Variants in UBE4B observed in about 807,000 individuals in gnomAD.
The protein encoded by UBE4B is ubiquitin conjugation factor E4 B.
In UBE4B, 27 loss-of-function variants were observed where a neutral mutation model predicts 148.1. The ratio of observed to expected loss-of-function variants is 0.18; its 90% CI spans 0.13 to 0.25. UBE4B has a LOEUF of 0.25. Among genes scored for constraint, UBE4B ranks in the 10% least tolerant of loss-of-function variants. The pLI, the probability that UBE4B is intolerant of heterozygous loss-of-function variation, is 1.00. For missense variants in UBE4B, 1,170 were observed against 1,662.4 expected, an observed-to-expected ratio of 0.70 and a Z score of 5.15; for synonymous variants, 596 against 619.3, an observed-to-expected ratio of 0.96 and a Z score of 0.56.
rs1557622957 is a variant in UBE4B, at chr1:10,178,967, T to A, written c.3700+149T>A. On this transcript the variant is annotated intron_variant, in intron 26 of 27. Transcript: ENST00000343090. The stretch of plus-strand genomic sequence containing the variant: ...TCTGTCTTAAATTACATTTGCCTAT[T>A]TTTAGCTCATATTGTAAATTGAGAG... The A allele has an allele frequency of 3.7e-6, 3 of 806,196 alleles. No individual in the cohort carries two copies. In the East Asian group the frequency reaches 9.2e-5, roughly 25 times the overall value. The allele number at this position is 806,196 out of a possible 1,614,324, so 49.9% of individuals were successfully genotyped here.
intron 2 of UBE4B, among the ~76,000 whole-genome samples, chr1:10,086,276 T>C (rs1371754486): frequency 3.3e-5 from 5 of 152,018 alleles, no homozygotes; most frequent in African/African-American, 1.2e-4. Flanking sequence ...TGGCCAATTT[T>C]TTGTATTTTT....
Position 10,149,319 on chromosome 1 carries a change from T to A in UBE4B, c.2690+37T>A. ...TAATATTTTACATAGTTCTAATATG[T>A]TTTTATGCATAATAGTATAATATTC... On this transcript the variant is annotated intron_variant, in intron 20 of 27. Transcript: ENST00000343090. 3 of 1,463,570 alleles carry A rather than the reference T, an allele frequency of 2.0e-6. No homozygotes were observed. The East Asian group carries it at 6.9e-5, about 33-fold the overall frequency. The allele number at this position is 1,463,570 out of a possible 1,614,324, so 90.7% of individuals were successfully genotyped here.
At chr1:10,138,527 C>T (rs1645733813) in intron 17 of UBE4B, among the ~76,000 whole-genome samples, 1 of 152,152 alleles carries the variant, frequency 6.6e-6, no homozygotes, top group African/African-American at 2.4e-5. Flanking sequence ...AGCCACCGTG[C>T]CTGGCCTAAA....
At chr1:10,125,083 G>A (rs1230945769) in intron 10 of UBE4B, among the ~76,000 whole-genome samples, 2 of 152,140 alleles carry the variant, frequency 1.3e-5, no homozygotes, top group South Asian at 2.1e-4. Context: ...CTGAGATCGC[G>A]CCACTGCACT....
intron 15 of UBE4B, among the ~76,000 whole-genome samples, chr1:10,132,816 G>GAGCC (rs914739439): frequency 6.6e-6 from 1 of 152,206 alleles, no homozygotes; most frequent in African/African-American, 2.4e-5. Context: ...TCATAGGAAG[G>GAGCC]AGCCAGCCAT....
chr1:10,137,067 A>G lies in UBE4B; in HGVS notation c.2225A>G (p.Tyr742Cys), dbSNP rs1210485399. 6.2e-7 allele frequency: 1 copy of G among 1,614,120 alleles called. No homozygotes were observed. The highest frequency in any genetic ancestry group is 1.7e-5 in the Admixed American group (1 of 60,002). ...TAGGGAATGATGTTATTTTTCCTAG[A>G]TGGCGATCAGCCTCCATTTTCTGAG... The part of the protein sequence containing the change: ...EDVNDWLTEL[Y>C]GDQPPFSEPK... Residue 742 changes from tyrosine to cysteine, a missense_variant and splice_region_variant, in exon 17 of 28, where the codon TAT (tyrosine) becomes TGT (cysteine). Coordinates refer to ENST00000343090, the MANE Select transcript of UBE4B (RefSeq NM_001105562.3).
chr1:10,168,210 C>T lies in UBE4B; in HGVS notation c.3273C>T (p.Thr1091=), dbSNP rs184365621. ...RVSRSYLALA[T]ETVDMFHILT... ...CCCGCTCTTACCTCGCCCTGGCCAC[C>T]GAAACCGTGGACATGTTCCACATCC... is the stretch of plus-strand genomic sequence containing the variant. Residue 1091 remains threonine (T), a synonymous_variant, in exon 24 of 28, where the codon ACC becomes ACT. Transcript: ENST00000343090. The surrounding 1 kb of genome is among the most constrained non-coding windows in gnomAD (Gnocchi z 4.9). The T allele has an allele frequency of 9.3e-6, 15 of 1,614,048 alleles. 1 individual carries two copies. The Admixed American group carries it at 1.0e-4, about 11-fold the overall frequency.
intron 7 of UBE4B, among the ~76,000 whole-genome samples, chr1:10,110,043 T>C (rs1026677656): frequency 6.6e-6 from 1 of 152,200 alleles, no homozygotes; most frequent in African/African-American, 2.4e-5. Flanking sequence ...TAGTACTTTA[T>C]CCTTCCCCCT....
At position 10,168,179 on chromosome 1, in the gene UBE4B, G is replaced by A. The variant is rs779753357; in HGVS notation, c.3242G>A (p.Arg1081His). 13 of 1,614,022 alleles carry A rather than the reference G, an allele frequency of 8.1e-6. No homozygotes were observed. In the Admixed American group the frequency reaches 8.3e-5, roughly 10 times the overall value. ...CAGTCTCAGCTTGCTCAGGATGAGCGTGTGTCCCGCTCTTACCTCGCCCTG... is the reference window on the plus strand; with the variant it reads ...CAGTCTCAGCTTGCTCAGGATGAGCATGTGTCCCGCTCTTACCTCGCCCTG... Reference protein sequence around the residue: ...ARQSQLAQDERVSRSYLALAT... With the variant: ...ARQSQLAQDEHVSRSYLALAT... Residue 1081 changes from arginine to histidine, a missense_variant, in exon 24 of 28, where the codon CGT becomes CAT. Coordinates refer to ENST00000343090, the MANE Select transcript of UBE4B (RefSeq NM_001105562.3). This position sits in a 1 kb window ranked among gnomAD's most constrained non-coding sequence, Gnocchi z 4.9.
At chr1:10,057,409 CA>C (rs1644194587) in intron 1 of UBE4B, among the ~76,000 whole-genome samples, 1 of 149,946 alleles carries the variant, frequency 6.7e-6, no homozygotes, top group Non-Finnish European at 1.5e-5. Flanking sequence ...ATACCATTTA[CA>C]GTCTTTTCTC....
chr1:10,128,044 A>G (rs1188335046), intron 11 of UBE4B, among the ~76,000 whole-genome samples: 1 of 152,238 alleles, frequency 6.6e-6, no homozygotes, highest in Admixed American at 6.5e-5. Flanking sequence ...GGCTCCTGGT[A>G]AAATTATTTG....
intron 22 of UBE4B, among the ~76,000 whole-genome samples, chr1:10,159,095 G>A (rs1029624233): frequency 8.6e-5 from 13 of 151,856 alleles, no homozygotes; most frequent in African/African-American, 3.1e-4. Context: ...TTTCTACGAT[G>A]ACAGTGTTAA....
intron 2 of UBE4B, among the ~76,000 whole-genome samples, chr1:10,091,634 A>G (rs1189884227): frequency 6.6e-6 from 1 of 151,706 alleles, no homozygotes; most frequent in Non-Finnish European, 1.5e-5. Context: ...AAGATGGAGT[A>G]TTGCTGTGTC....
intron 7 of UBE4B, among the ~76,000 whole-genome samples, chr1:10,116,155 T>G (rs190392436): frequency 6.6e-6 from 1 of 152,280 alleles, no homozygotes; most frequent in Admixed American, 6.5e-5. Flanking sequence ...TTTTTTCTTT[T>G]ATTTTAGGAC....
intron 7 of UBE4B, among the ~76,000 whole-genome samples, chr1:10,108,889 T>C (rs951754633): frequency 1.3e-5 from 2 of 152,188 alleles, no homozygotes; most frequent in Non-Finnish European, 2.9e-5. Flanking sequence ...GTAAAAGTGC[T>C]GTGTTACCTG....
At chr1:10,109,798 A>G (rs1443215224) in intron 7 of UBE4B, among the ~76,000 whole-genome samples, 1 of 152,002 alleles carries the variant, frequency 6.6e-6, no homozygotes, top group Non-Finnish European at 1.5e-5. Context: ...TTACAGGTGC[A>G]TGCCACCACA....
chr1:10,045,330 C>T (rs1643889810), intron 1 of UBE4B, among the ~76,000 whole-genome samples: 1 of 152,164 alleles, frequency 6.6e-6, no homozygotes, highest in African/African-American at 2.4e-5. Context: ...TGTAACTGAA[C>T]ATACAGTTAG....
intron 21 of UBE4B, 32 bp downstream of exon 21, chr1:10,151,593 C>T (rs369253346): frequency 1.3e-6 from 2 of 1,582,488 alleles, no homozygotes; most frequent in African/African-American, 2.7e-5. Context: ...TAGCACATGG[C>T]AGGCCAACTT....
At chr1:10,035,577 T>C (rs1643486329) in intron 1 of UBE4B, among the ~76,000 whole-genome samples, 1 of 148,446 alleles carries the variant, frequency 6.7e-6, no homozygotes, top group Admixed American at 6.8e-5. Context: ...TTTGTATTTT[T>C]TTGTGTTTTT....
Sources: gnomAD v4.1 joint callset for allele counts (sites outside exome capture counted in the v4.1 genomes callset) on GRCh38, gnomAD v4.1.1 for gene constraint, Gnocchi (gnomAD v3.1) non-coding constraint, MANE v1.5 for transcripts, NCBI Gene and HGNC (gene_info 2026-07-23, HGNC 2026-07-21) for gene names.